XPO5: variants seen among roughly 807,000 people sequenced by gnomAD.
The protein encoded by XPO5 is exportin-5.
Under a neutral mutation model 160.6 loss-of-function variants are expected in XPO5, and 46 were observed. That is an observed-to-expected ratio of 0.29 (90% CI 0.23 to 0.37). The LOEUF is 0.37. Among genes scored for constraint, XPO5 ranks in the 10% least tolerant of loss-of-function variants. The pLI is 1.00. For synonymous variants in XPO5, 537 were observed against 519.3 expected, an observed-to-expected ratio of 1.03 and a Z score of -0.46; for missense variants, 1,090 against 1,463.9, an observed-to-expected ratio of 0.74 and a Z score of 4.17.
At chr6:43,561,857 T>G (rs1166133364) in intron 9 of XPO5, 1 of 157,912 alleles carries the variant, frequency 6.3e-6, no homozygotes, top group East Asian at 1.9e-4. Context: ...AGTTTTCTTT[T>G]GTGCTCCAAT....
At chr6:43,524,399 C>CTGGTTTA in intron 31 of XPO5, 72 bp downstream of exon 31, 5 of 1,515,902 alleles carry the variant, frequency 3.3e-6, no homozygotes, top group Non-Finnish European at 4.4e-6. Flanking sequence ...ATAACTACAG[C>CTGGTTTA]TGGTTTATGG....
intron 1 of XPO5, among the ~76,000 whole-genome samples, chr6:43,575,013 T>C (rs528659296): frequency 6.6e-5 from 10 of 152,304 alleles, no homozygotes; most frequent in African/African-American, 2.2e-4. Flanking sequence ...CACGTTGTTT[T>C]ATGGGCAAGT....
At chr6:43,548,180 C>T (rs1174562544) in intron 18 of XPO5, 81 bp downstream of exon 18, 1 of 1,391,144 alleles carries the variant, frequency 7.2e-7, no homozygotes, top group African/African-American at 1.4e-5. Flanking sequence ...ATCCTTAACC[C>T]CTACCCCACC....
chr6:43,556,051 G>A (rs535811192), intron 12 of XPO5, 87 bp from the exon 13 acceptor site: 4 of 1,530,210 alleles, frequency 2.6e-6, no homozygotes, highest in South Asian at 2.5e-5. Context: ...ACCACCCTAG[G>A]GGAAAAGCAT....
At chr6:43,537,060 GGGCTCAAGTGGCCCTTCCACCTCA>G (rs1412791694) in intron 20 of XPO5, among the ~76,000 whole-genome samples, 2 of 152,112 alleles carry the variant, frequency 1.3e-5, no homozygotes, top group East Asian at 3.9e-4. Flanking sequence ...TCAAACTCCT[GGGCTCAAGTGGCCCTTCCACCTCA>G]GGCTCCCGAG....
At chr6:43,569,480 T>C (rs1015807428) in intron 5 of XPO5, among the ~76,000 whole-genome samples, 1 of 152,110 alleles carries the variant, frequency 6.6e-6, no homozygotes, top group Non-Finnish European at 1.5e-5. Flanking sequence ...ACGCCTACCA[T>C]CCCAGCACTT....
chr6:43,560,118 C>A (rs1762338345), intron 11 of XPO5, 60 bp downstream of exon 11: 2 of 1,567,630 alleles, frequency 1.3e-6, no homozygotes, highest in South Asian at 1.2e-5. Context: ...CGCACCCAGC[C>A]TCAAAGTCTT....
chr6:43,546,750 C>A lies in XPO5; in HGVS notation c.2163G>T (p.Met721Ile). Reference sequence around the variant, plus strand: ...CCAGAATGCTGTATACACAAAAGCTCATCTATAGAAAAATAAGAATGACAG... The same window carrying A: ...CCAGAATGCTGTATACACAAAAGCTAATCTATAGAAAAATAAGAATGACAG... Reference protein sequence around the residue: ...EDPCGLNRARMSFCVYSILGV... With the variant: ...EDPCGLNRARISFCVYSILGV... Residue 721 changes from methionine to isoleucine, a missense_variant and splice_region_variant, in exon 20 of 32, where the codon ATG becomes ATT. Physicochemically the swap from Met to Ile is conservative, Grantham distance 10 (BLOSUM62 1). Around this residue, in one of 3 missense-constraint regions of XPO5, gnomAD observed 810 missense variants for 1,139.0 expected, o/e 0.71. Coordinates refer to ENST00000265351, the MANE Select transcript of XPO5 (RefSeq NM_020750.3). 1.9e-6 allele frequency: 3 copies of A among 1,556,508 alleles called. No individual in the cohort carries two copies. The highest frequency in any genetic ancestry group is 2.6e-6 in the Non-Finnish European group (3 of 1,156,548).
intron 21 of XPO5, chr6:43,533,283 C>G (rs1441104836): frequency 6.7e-6 from 1 of 148,666 alleles, no homozygotes; most frequent in African/African-American, 2.5e-5. Context: ...GGAAAGTATA[C>G]AAATATCCTT....
chr6:43,567,187 G>C lies in XPO5; in HGVS notation c.816C>G (p.Leu272=). ...AACTTACTTTTCTGCTGACTGCAAT[G>C]AGAAGACACTCAGCGGCTCCCAACT... is the stretch of plus-strand genomic sequence containing the variant. ...ELQLGAAECL[L]IAVSRKGKLE... Residue 272 remains leucine, a synonymous_variant, in exon 7 of 32, where the codon CTC becomes CTG. Transcript: ENST00000265351. The C allele has an allele frequency of 6.2e-7, 1 of 1,613,238 alleles. No individual in the cohort carries two copies. Among genetic ancestry groups the C allele is most frequent in the South Asian group, 1.1e-5 (1 of 90,954 alleles).
chr6:43,565,431 G>A (rs1183697787), intron 8 of XPO5, among the ~76,000 whole-genome samples: 3 of 151,974 alleles, frequency 2.0e-5, no homozygotes, highest in Non-Finnish European at 2.9e-5. Context: ...GCCAGGCATG[G>A]TGGTGCGCCT....
chr6:43,571,387 T>A (rs955642137), intron 3 of XPO5, among the ~76,000 whole-genome samples: 1 of 152,110 alleles, frequency 6.6e-6, no homozygotes, highest in African/African-American at 2.4e-5. Flanking sequence ...TACCAATAGT[T>A]CTAACACTAG....
intron 20 of XPO5, chr6:43,538,929 T>C: frequency 7.8e-7 from 1 of 1,276,148 alleles, no homozygotes; most frequent in Non-Finnish European, 1.1e-6. Flanking sequence ...GTAAATACAG[T>C]CTCCTTCCAG....
Position 43,555,854 on chromosome 6 carries a change from C to G in XPO5, c.1423G>C (p.Asp475His). The G allele has an allele frequency of 6.2e-7, 1 of 1,613,848 alleles. No homozygotes were observed. Among genetic ancestry groups the G allele is most frequent in the Non-Finnish European group, 8.5e-7 (1 of 1,179,852 alleles). Residue 475 changes from aspartate (D) to histidine (H), a missense_variant, in exon 13 of 32, where the codon GAT becomes CAT. Transcript: ENST00000265351. ...WLKYQLSTFL[D>H]AGSVNSCSAV... ...AACTTACAATTCACAGAACCAGCAT[C>G]AAGAAAAGTTGATAGTTGATACTTT...
At chr6:43,547,788 CATT>C in intron 18 of XPO5, 81 bp from the exon 19 acceptor site, 4 of 1,254,820 alleles carry the variant, frequency 3.2e-6, no homozygotes. Context: ...AACAGGCTAT[CATT>C]ATTTGGCCCT....
At chr6:43,548,064 A>G (rs554790919) in intron 18 of XPO5, among the ~76,000 whole-genome samples, 197 bp downstream of exon 18, 1 of 152,168 alleles carries the variant, frequency 6.6e-6, no homozygotes, top group African/African-American at 2.4e-5. Flanking sequence ...CAGGAGTCTC[A>G]CTCTGTGCCC....
At chr6:43,558,790 G>A (rs1262553348) in intron 11 of XPO5, 199 bp from the exon 12 acceptor site, 4 of 477,168 alleles carry the variant, frequency 8.4e-6, no homozygotes, top group Non-Finnish European at 1.5e-5. Context: ...TGGTAGAAAA[G>A]AGAATACTTT....
intron 8 of XPO5, among the ~76,000 whole-genome samples, chr6:43,563,641 C>G (rs1026698506): frequency 1.3e-5 from 2 of 152,188 alleles, no homozygotes; most frequent in African/African-American, 4.8e-5. Context: ...GCCTATTGCT[C>G]CTAGGCTACA....
In XPO5 at chr6:43,522,780, G is replaced by C. The variant is rs373753474; in HGVS notation, c.*1088C>G. 6.6e-6 allele frequency: 3 copies of C among 451,152 alleles called. No homozygotes were observed. Among genetic ancestry groups the C allele is most frequent in the African/African-American group, 6.0e-5 (3 of 49,960 alleles). 27.9% of individuals were successfully genotyped at this position (451,152 alleles called of 1,614,324 possible). On this transcript the variant is annotated 3_prime_UTR_variant, in exon 32 of 32. Coordinates refer to ENST00000265351, the MANE Select transcript of XPO5 (RefSeq NM_020750.3). Reference sequence around the variant, plus strand: ...AGAGCACATGGACACACTGGTTTCTGTATGGATTAACTCTGCCTTACGGCC... The same window carrying C: ...AGAGCACATGGACACACTGGTTTCTCTATGGATTAACTCTGCCTTACGGCC...
Sources: allele counts gnomAD v4.1 joint callset (sites outside exome capture counted in the v4.1 genomes callset), GRCh38; gene constraint gnomAD v4.1.1; regional missense constraint gnomAD v4.1.1; transcripts MANE v1.5; gene names NCBI Gene and HGNC (gene_info 2026-07-23, HGNC 2026-07-21).